Variants in TRIP12 observed in about 807,000 individuals in gnomAD.
TRIP12 encodes E3 ubiquitin-protein ligase TRIP12.
A neutral mutation model predicts 244.2 loss-of-function variants in TRIP12; 25 were observed. That is an observed-to-expected ratio of 0.10 (90% CI 0.07 to 0.14). The LOEUF (loss-of-function observed/expected upper bound fraction) is 0.14. Ranked by LOEUF, TRIP12 falls within the 10% of genes least tolerant of loss-of-function variation. The probability of loss-of-function intolerance (pLI) is 1.00; values close to 1 mark genes in which losing one functional copy is unlikely to be tolerated. For synonymous variants in TRIP12, 905 were observed against 873.1 expected (o/e 1.04, Z -0.64); for missense variants, 1,677 against 2,486.4 (o/e 0.67, Z 6.92).
Position 229,807,720 on chromosome 2 carries a change from G to C in TRIP12, c.2484C>G (p.Ser828Arg). The change falls in exon 17 of 42, where the codon AGC becomes AGG. Residue 828 changes from serine to arginine, a missense_variant. Ser to Arg is a moderately radical substitution (Grantham distance 110, BLOSUM62 -1). Transcript: ENST00000675903. The part of the protein sequence containing the change: ...GLWHPYNRID[S>R]RIIEAAHQVG... ...ATGAAACTACTACCTCAATGATCCG[G>C]CTGTCAATCCTGTTATATGGATGCC... 6.2e-7 allele frequency: 1 copy of C among 1,614,014 alleles called. No individual in the cohort carries two copies. Among genetic ancestry groups the C allele is most frequent in the Non-Finnish European group, 8.5e-7 (1 of 1,180,012 alleles).
intron 24 of TRIP12, 142 bp downstream of exon 24, chr2:229,797,548 C>T: frequency 2.2e-6 from 2 of 898,766 alleles, no homozygotes; most frequent in Non-Finnish European, 3.2e-6. Flanking sequence ...AAAGAAATGC[C>T]AGCACCAAGG....
chr2:229,777,631 C>T, intron 36 of TRIP12, 152 bp from the exon 37 acceptor site: 1 of 761,020 alleles, frequency 1.3e-6, no homozygotes, highest in Non-Finnish European at 2.1e-6. Context: ...TCTCCCACTA[C>T]ACAAAATTGA....
intron 26 of TRIP12, 161 bp downstream of exon 26, chr2:229,795,018 A>C: frequency 1.4e-6 from 1 of 703,330 alleles, no homozygotes; most frequent in Non-Finnish European, 2.2e-6. Context: ...AAAGATAAGA[A>C]AGCATTTGAT....
In TRIP12 at chr2:229,763,881, T is replaced by G. The variant is rs2031058478; in HGVS notation, c.*3673A>C. On this transcript the variant is annotated 3_prime_UTR_variant, in exon 42 of 42. Transcript: ENST00000675903. The stretch of plus-strand genomic sequence containing the variant: ...AAAAATATAGTCAGGGAGAAGGAAG[T>G]CAGTGCATTTATGCAATTTTACATA... The G allele has an allele frequency of 6.6e-6, 1 of 152,228 alleles. No homozygotes were observed. Among genetic ancestry groups the G allele is most frequent in the Non-Finnish European group, 1.5e-5 (1 of 68,048 alleles). 9.4% of individuals were successfully genotyped at this position (152,228 alleles called of 1,614,324 possible).
intron 1 of TRIP12, among the ~76,000 whole-genome samples, chr2:229,912,228 T>C (rs1329896037): frequency 6.6e-6 from 1 of 152,170 alleles, no homozygotes; most frequent in South Asian, 2.1e-4. Context: ...ACTACTTCTA[T>C]CTCCTCCAAA....
chr2:229,825,723 G>C (rs2051379870), intron 8 of TRIP12, among the ~76,000 whole-genome samples: 1 of 152,176 alleles, frequency 6.6e-6, no homozygotes, highest in Admixed American at 6.5e-5. Flanking sequence ...TATGGGGATT[G>C]CAATTCAAGA....
intron 15 of TRIP12, among the ~76,000 whole-genome samples, chr2:229,809,094 A>C (rs1443278057): frequency 6.6e-6 from 1 of 152,226 alleles, no homozygotes; most frequent in Non-Finnish European, 1.5e-5. Context: ...TATGCAAAAT[A>C]TACATAAACA....
chr2:229,819,217 C>T (rs1200093894), intron 8 of TRIP12, among the ~76,000 whole-genome samples: 2 of 152,122 alleles, frequency 1.3e-5, no homozygotes, highest in African/African-American at 2.4e-5. Flanking sequence ...CAGAGAAGTA[C>T]GTTGTCATTA....
At chr2:229,788,499 T>G (rs1027972423) in intron 32 of TRIP12, among the ~76,000 whole-genome samples, 2 of 152,154 alleles carry the variant, frequency 1.3e-5, no homozygotes, top group African/African-American at 2.4e-5. Context: ...GCTCAGAGAA[T>G]CAAGCAACTA....
Position 229,786,430 on chromosome 2 carries a change from G to A in TRIP12, c.4996-575C>T, listed in dbSNP as rs151040873. On this transcript the variant is annotated intron_variant, in intron 33 of 41. Coordinates refer to ENST00000675903, the MANE Select transcript of TRIP12 (RefSeq NM_001348323.3). ...TTTTTTTTTTTTTAGGTGGCGTCTC[G>A]CTCTGTTGCCAGGCTGGAATGCAGT... is the stretch of plus-strand genomic sequence containing the variant. Among the ~76,000 whole-genome samples the A allele has an allele frequency of 7.3e-3, 994 of 135,838 alleles. 10 individuals carry two copies. The highest frequency in any genetic ancestry group is 0.027 in the African/African-American group (947 of 35,116). 89.1% of individuals were successfully genotyped at this position (135,838 alleles called of 152,430 possible).
At chr2:229,881,711 GAAGAA>G (rs1168147317) in intron 1 of TRIP12, among the ~76,000 whole-genome samples, 14 of 152,232 alleles carry the variant, frequency 9.2e-5, no homozygotes, top group African/African-American at 3.1e-4. Context: ...GGCAGAGAGA[GAAGAA>G]AAGGTTAAAC....
At chr2:229,792,284 A>AAAAAAAC in intron 27 of TRIP12, 58 bp from the exon 28 acceptor site, 1 of 1,436,172 alleles carries the variant, frequency 7.0e-7, no homozygotes, top group Non-Finnish European at 9.7e-7. Flanking sequence ...AAAAAAAAAA[A>AAAAAAAC]TCCTGTATAC....
intron 13 of TRIP12, among the ~76,000 whole-genome samples, chr2:229,812,964 T>C (rs1288262109): frequency 6.6e-6 from 1 of 152,228 alleles, no homozygotes; most frequent in Admixed American, 6.5e-5. Context: ...AATATTTCTC[T>C]GTAGCTAAAA....
chr2:229,837,253 C>G (rs763539344), intron 5 of TRIP12, among the ~76,000 whole-genome samples: 1 of 152,154 alleles, frequency 6.6e-6, no homozygotes, highest in Non-Finnish European at 1.5e-5. Context: ...TAAAACACTT[C>G]CAACTAAAAA....
chr2:229,897,451 C>T (rs774074142), intron 1 of TRIP12, among the ~76,000 whole-genome samples: 2 of 152,106 alleles, frequency 1.3e-5, no homozygotes, highest in African/African-American at 2.4e-5. Flanking sequence ...AGTTGGAGAC[C>T]AGCCTGGCCA....
intron 1 of TRIP12, among the ~76,000 whole-genome samples, chr2:229,920,823 GT>G (rs2076381204): frequency 6.6e-6 from 1 of 152,144 alleles, no homozygotes; most frequent in Non-Finnish European, 1.5e-5. Flanking sequence ...AGGATTTGAG[GT>G]TTTACTACCT....
intron 1 of TRIP12, among the ~76,000 whole-genome samples, chr2:229,915,012 G>T (rs967095113): frequency 2.0e-5 from 3 of 152,124 alleles, no homozygotes; most frequent in Admixed American, 2.0e-4. Context: ...CAGCACTTTG[G>T]GAGACCAAGG....
At chr2:229,877,495 T>C (rs1394677457) in intron 2 of TRIP12, among the ~76,000 whole-genome samples, 2 of 152,204 alleles carry the variant, frequency 1.3e-5, no homozygotes, top group Non-Finnish European at 2.9e-5. Context: ...ATCACAGCAC[T>C]GCACTCCGGC....
rs1456411314 is a variant in TRIP12, at chr2:229,766,678, C to T, written c.*876G>A. The T allele has an allele frequency of 6.6e-6, 1 of 152,130 alleles. No individual in the cohort carries two copies. The highest frequency in any genetic ancestry group is 1.5e-5 in the Non-Finnish European group (1 of 68,024). The allele number at this position is 152,130 out of a possible 1,614,324, so 9.4% of individuals were successfully genotyped here. A position where few individuals can be genotyped will look rare whatever the true frequency, so the allele number is the denominator to read the frequency against. The stretch of plus-strand genomic sequence containing the variant: ...AAAAAATTTACATTAATTTAAAATC[C>T]TCTGGCCACAGAATAATAAATACCG... On this transcript the variant is annotated 3_prime_UTR_variant, in exon 42 of 42. Coordinates refer to ENST00000675903, the MANE Select transcript of TRIP12 (RefSeq NM_001348323.3).
Sources: allele counts gnomAD v4.1 joint callset (sites outside exome capture counted in the v4.1 genomes callset), GRCh38; gene constraint gnomAD v4.1.1; transcripts MANE v1.5; gene names NCBI Gene and HGNC (gene_info 2026-07-23, HGNC 2026-07-21).